Variants in INVS observed in about 807,000 individuals in gnomAD.
INVS encodes the protein inversin.
Under a neutral mutation model 108.8 loss-of-function variants are expected in INVS, and 86 were observed. The observed-to-expected ratio is 0.79, with a 90% CI of 0.66 to 0.95. The LOEUF (loss-of-function observed/expected upper bound fraction) is 0.95, where lower values mean the gene tolerates loss of function less well. Among genes scored for constraint, INVS ranks in the 40% least tolerant of loss-of-function variants. The probability of loss-of-function intolerance (pLI) is 0.00; values close to 1 mark genes in which losing one functional copy is unlikely to be tolerated. For missense variants in INVS, 1,169 were observed against 1,297.4 expected (o/e 0.90, Z 1.52); for synonymous variants, 455 against 473.5 (o/e 0.96, Z 0.51).
chr9:100,112,665 TAA>T (rs879870642), intron 2 of INVS, among the ~76,000 whole-genome samples: 9 of 126,678 alleles, frequency 7.1e-5, no homozygotes, highest in African/African-American at 5.8e-5. Context: ...GCTGATGAGC[TAA>T]AAAAAAAAAA....
intron 7 of INVS, among the ~76,000 whole-genome samples, chr9:100,244,406 A>G (rs924341773): frequency 2.0e-5 from 3 of 152,216 alleles, no homozygotes; most frequent in Non-Finnish European, 4.4e-5. Flanking sequence ...AAAACAAAAC[A>G]AAACAAGGTT....
At chr9:100,298,580 A>C (rs1833858677) in intron 16 of INVS, among the ~76,000 whole-genome samples, 1 of 152,178 alleles carries the variant, frequency 6.6e-6, no homozygotes, top group Non-Finnish European at 1.5e-5. Context: ...TGCCAGGTCC[A>C]GTGTTTCTCA....
At position 100,235,935 on chromosome 9, in the gene INVS, T is replaced by C. The variant is rs182674782; in HGVS notation, c.616-4125T>C. Among the ~76,000 whole-genome samples the C allele has an allele frequency of 2.0e-5, 3 of 152,346 alleles. No homozygotes were observed. In the East Asian group the frequency reaches 5.8e-4, roughly 29 times the overall value. ...GCCTGTCTTGCTAGATTAGGGAAGT[T>C]CTCCTGGATAATATCCTGAAGTGTG... On this transcript the variant is annotated intron_variant, in intron 5 of 16. Transcript: ENST00000262457.
intron 4 of INVS, among the ~76,000 whole-genome samples, chr9:100,227,553 G>T (rs1205205214): frequency 6.6e-6 from 1 of 152,158 alleles, no homozygotes; most frequent in Non-Finnish European, 1.5e-5. Flanking sequence ...ACAAGTTCAA[G>T]ATGATCATTT....
Position 100,292,667 on chromosome 9 carries a change from T to C in INVS, c.2410T>C (p.Ser804Pro). Reference protein sequence around the residue: ...RTQELRGGRCSPAGSSRPGSA... With the variant: ...RTQELRGGRCPPAGSSRPGSA... ...TCAAGAGCTCAGAGGAGGAAGGTGC[T>C]CTCCGGCTGGTTCTAGCCGCCCTGG... Residue 804 changes from serine (S) to proline (P), a missense_variant, in exon 14 of 17, where the codon TCT becomes CCT. This residue lies in a region of INVS where 533 missense variants were observed against 536.0 expected (regional missense o/e 0.99). Transcript: ENST00000262457. 6.2e-7 allele frequency: 1 copy of C among 1,614,066 alleles called. No homozygotes were observed. Among genetic ancestry groups the C allele is most frequent in the Non-Finnish European group, 8.5e-7 (1 of 1,180,008 alleles).
At chr9:100,192,417 T>C (rs1830250553) in intron 3 of INVS, among the ~76,000 whole-genome samples, 1 of 152,222 alleles carries the variant, frequency 6.6e-6, no homozygotes, top group Non-Finnish European at 1.5e-5. Flanking sequence ...GTTGCACAAA[T>C]ATATCATAAT....
At chr9:100,289,507 TC>T (rs1241351625) in intron 13 of INVS, among the ~76,000 whole-genome samples, 1 of 152,238 alleles carries the variant, frequency 6.6e-6, no homozygotes, top group Non-Finnish European at 1.5e-5. Context: ...TTTCTCACAG[TC>T]CCATGGGCTA....
intron 2 of INVS, among the ~76,000 whole-genome samples, chr9:100,111,069 A>C (rs762111742): frequency 6.6e-6 from 1 of 152,258 alleles, no homozygotes; most frequent in Non-Finnish European, 1.5e-5. Flanking sequence ...ACTCTATAAC[A>C]ATAAGCAGAG....
intron 11 of INVS, among the ~76,000 whole-genome samples, chr9:100,272,464 T>G (rs1223290797): frequency 6.6e-6 from 1 of 152,242 alleles, no homozygotes; most frequent in Non-Finnish European, 1.5e-5. Flanking sequence ...GTTTTTTACT[T>G]CATAAGCATT....
chr9:100,218,987 A>G (rs1208543364), intron 3 of INVS, among the ~76,000 whole-genome samples: 9 of 152,264 alleles, frequency 5.9e-5, no homozygotes, highest in Non-Finnish European at 1.2e-4. Context: ...AATGAAAAAC[A>G]AAAATGAACC....
intron 2 of INVS, among the ~76,000 whole-genome samples, chr9:100,124,851 G>A (rs760185172): frequency 6.6e-6 from 1 of 152,112 alleles, no homozygotes. Context: ...ATGAGACTCT[G>A]GATCCTATTT....
At chr9:100,230,959 A>C (rs1289199419) in intron 5 of INVS, among the ~76,000 whole-genome samples, 1 of 152,226 alleles carries the variant, frequency 6.6e-6, no homozygotes, top group Non-Finnish European at 1.5e-5. Flanking sequence ...TGTTATTTAC[A>C]AACAGTGCTG....
In INVS at chr9:100,212,649, G is replaced by T. The variant is rs180966089; in HGVS notation, c.274-13413G>T. 1.1e-3 allele frequency among the ~76,000 whole-genome samples: 164 copies of T among 151,678 alleles called. 2 individuals carry two copies. Among genetic ancestry groups the T allele is most frequent in the African/African-American group, 3.9e-3 (160 of 41,380 alleles). On this transcript the variant is annotated intron_variant, in intron 3 of 16. Coordinates refer to ENST00000262457, the MANE Select transcript of INVS (RefSeq NM_014425.5). ...AGTTGTTGGTAACACCCTCTATCTG[G>T]TAGCCATTCAGGAATCTTCTTATGT...
At chr9:100,147,636 A>G (rs866195998) in intron 3 of INVS, among the ~76,000 whole-genome samples, 1 of 152,096 alleles carries the variant, frequency 6.6e-6, no homozygotes, top group Non-Finnish European at 1.5e-5. Flanking sequence ...GTGAAAAATG[A>G]TATATATAGA....
intron 5 of INVS, among the ~76,000 whole-genome samples, chr9:100,235,578 C>T (rs1039700804): frequency 2.0e-5 from 3 of 152,174 alleles, no homozygotes. Flanking sequence ...AAAAATCCCT[C>T]AGCATTTGCT....
intron 3 of INVS, among the ~76,000 whole-genome samples, chr9:100,156,267 T>TC (rs1564136315): frequency 6.7e-6 from 1 of 150,324 alleles, no homozygotes; most frequent in East Asian, 1.9e-4. Flanking sequence ...CTTTTTTTTT[T>TC]TTTTTTTTTT....
chr9:100,178,225 G>T (rs1385306426), intron 3 of INVS, among the ~76,000 whole-genome samples: 1 of 152,118 alleles, frequency 6.6e-6, no homozygotes, highest in Non-Finnish European at 1.5e-5. Context: ...CTCTTCTTCT[G>T]CAAAGGATCA....
In INVS at chr9:100,302,078, G is replaced by A. The variant is rs1833991743; in HGVS notation, c.*1404G>A. Reference sequence around the variant, plus strand: ...ATATCAGTGCAAAGAAAGAAGGTTCGTAAACTTCTTTAAAAGTTCAGCTTT... The same window carrying A: ...ATATCAGTGCAAAGAAAGAAGGTTCATAAACTTCTTTAAAAGTTCAGCTTT... On this transcript the variant is annotated 3_prime_UTR_variant, in exon 17 of 17. Coordinates refer to ENST00000262457, the MANE Select transcript of INVS (RefSeq NM_014425.5). 4.8e-6 allele frequency: 3 copies of A among 621,696 alleles called. No homozygotes were observed. Among genetic ancestry groups the A allele is most frequent in the Admixed American group, 3.1e-5 (1 of 32,650 alleles). The allele number at this position is 621,696 out of a possible 1,614,324, so 38.5% of individuals were successfully genotyped here. A position where few individuals can be genotyped will look rare whatever the true frequency, so the allele number is the denominator to read the frequency against.
chr9:100,297,880 G>A (rs374790710), intron 15 of INVS, 56 bp from the exon 16 acceptor site: 1 of 1,580,086 alleles, frequency 6.3e-7, no homozygotes, highest in Non-Finnish European at 8.7e-7. Flanking sequence ...TCAGAAGTTG[G>A]TCAGGCCAAA....
Sources: gnomAD v4.1 joint callset for allele counts (sites outside exome capture counted in the v4.1 genomes callset) on GRCh38, gnomAD v4.1.1 for gene constraint, gnomAD v4.1.1 regional missense constraint, MANE v1.5 for transcripts, NCBI Gene and HGNC (gene_info 2026-07-23, HGNC 2026-07-21) for gene names.